The following RIN3 variants were observed in gnomAD, a reference collection of about 807,000 sequenced individuals.
The protein encoded by RIN3 is RAB5 interacting protein 3.
In RIN3, 54 loss-of-function variants were observed where a neutral mutation model predicts 76.3. The ratio of observed to expected loss-of-function variants is 0.71; its 90% confidence interval spans 0.57 to 0.89. The LOEUF (loss-of-function observed/expected upper bound fraction) is 0.89, where lower values mean the gene tolerates loss of function less well. Among genes scored for constraint, RIN3 ranks in the 40% least tolerant of loss-of-function variants. The pLI, the probability that RIN3 is intolerant of heterozygous loss-of-function variation, is 0.00. For synonymous variants in RIN3, 576 were observed against 564.0 expected, an observed-to-expected ratio of 1.02 and a Z score of -0.30; for missense variants, 1,256 against 1,322.1, an observed-to-expected ratio of 0.95 and a Z score of 0.78.
chr14:92,673,324 C>A (rs1888350643), intron 7 of RIN3, among the ~76,000 whole-genome samples: 1 of 152,094 alleles, frequency 6.6e-6, no homozygotes, highest in Admixed American at 6.6e-5. Context: ...CTATTATGAC[C>A]AATACTGCCA....
intron 4 of RIN3, among the ~76,000 whole-genome samples, chr14:92,621,828 A>G (rs565831457): frequency 1.3e-5 from 2 of 152,362 alleles, no homozygotes; most frequent in South Asian, 2.1e-4. Context: ...AGACGTGTAT[A>G]CACACACATA....
At chr14:92,608,506 A>ATTT (rs753266387) in intron 3 of RIN3, among the ~76,000 whole-genome samples, 17 of 152,142 alleles carry the variant, frequency 1.1e-4, no homozygotes, top group Non-Finnish European at 2.2e-4. Flanking sequence ...GCATTGCTGA[A>ATTT]TGATAAAACT....
intron 7 of RIN3, among the ~76,000 whole-genome samples, chr14:92,670,111 C>T (rs1055587728): frequency 6.6e-6 from 1 of 151,480 alleles, no homozygotes; most frequent in Admixed American, 6.6e-5. Context: ...GTTGCCCAGG[C>T]TGGAATTAGG....
chr14:92,604,861 G>T, intron 3 of RIN3, among the ~76,000 whole-genome samples: 1 of 132,860 alleles, frequency 7.5e-6, no homozygotes, highest in African/African-American at 2.9e-5. Context: ...CAGATTCCCT[G>T]TTACCCTTCT....
Position 92,513,940 on chromosome 14 carries a change from G to A in RIN3, c.8G>A (p.Arg3Gln). The part of the protein sequence containing the change: MI[R>Q]HAGAPARGDP... ...CCCGGAGCTGCCGGCGGCATGATCC[G>A]ACACGCCGGGGCGCCCGCGCGCGGG... The change falls in exon 1 of 10, where the codon CGA (arginine) becomes CAA (glutamine). Residue 3 changes from arginine to glutamine, a missense_variant. Arg to Gln is a conservative substitution (Grantham distance 43). Around this residue, in one of 3 missense-constraint regions of RIN3, gnomAD observed 610 missense variants for 626.4 expected, o/e 0.97. Transcript: ENST00000216487. 1 of 1,246,866 alleles carries A rather than the reference G, an allele frequency of 8.0e-7. No individual in the cohort carries two copies. The highest frequency in any genetic ancestry group is 3.3e-5 in the South Asian group (1 of 30,600). 77.2% of individuals were successfully genotyped at this position (1,246,866 alleles called of 1,614,324 possible). A position where few individuals can be genotyped will look rare whatever the true frequency, so the allele number is the denominator to read the frequency against.
intron 5 of RIN3, chr14:92,650,900 G>A (rs1373131474): frequency 6.6e-6 from 1 of 152,240 alleles, no homozygotes; most frequent in African/African-American, 2.4e-5. Flanking sequence ...CCCCTGACTG[G>A]GGCAGACGAC....
chr14:92,601,288 G>T (rs1455134893), intron 3 of RIN3, among the ~76,000 whole-genome samples: 1 of 152,090 alleles, frequency 6.6e-6, no homozygotes, highest in Non-Finnish European at 1.5e-5. Context: ...TGGGTCTAGA[G>T]CCTCACCAGC....
intron 3 of RIN3, among the ~76,000 whole-genome samples, chr14:92,591,557 T>G (rs72697281): frequency 0.11 from 17,085 of 151,384 alleles, 1,326 homozygotes; most frequent in East Asian, 0.44. Context: ...CTACAGAAAT[T>G]CAAAGAAAAA....
chr14:92,599,238 C>T (rs925564530), intron 3 of RIN3, among the ~76,000 whole-genome samples: 3 of 139,658 alleles, frequency 2.1e-5, no homozygotes, highest in Admixed American at 7.4e-5. Context: ...AGAAGCCCCC[C>T]GCCCTTGGGG....
chr14:92,646,853 A>C (rs1887220184), intron 5 of RIN3, among the ~76,000 whole-genome samples: 1 of 152,188 alleles, frequency 6.6e-6, no homozygotes, highest in Non-Finnish European at 1.5e-5. Flanking sequence ...TCTTTTCCTT[A>C]ATACACCTAG....
intron 1 of RIN3, among the ~76,000 whole-genome samples, chr14:92,528,580 T>TG: frequency 6.6e-6 from 1 of 152,172 alleles, no homozygotes; most frequent in Non-Finnish European, 1.5e-5. Context: ...TGTGACCCCG[T>TG]GGGGGTGTGG....
intron 2 of RIN3, among the ~76,000 whole-genome samples, chr14:92,559,485 G>A (rs1897701110): frequency 6.6e-6 from 1 of 152,204 alleles, no homozygotes; most frequent in African/African-American, 2.4e-5. Context: ...TTGGATATGA[G>A]CCATGTTTAT....
intron 4 of RIN3, among the ~76,000 whole-genome samples, chr14:92,622,792 A>G (rs1886229739): frequency 6.6e-6 from 1 of 152,248 alleles, no homozygotes; most frequent in African/African-American, 2.4e-5. Context: ...ATGAATGGGT[A>G]TGATTACCTT....
At chr14:92,536,115 TCTTAATCA>T (rs1896994437) in intron 1 of RIN3, among the ~76,000 whole-genome samples, 1 of 152,244 alleles carries the variant, frequency 6.6e-6, no homozygotes, top group Admixed American at 6.5e-5. Context: ...TGTCACACCA[TCTTAATCA>T]CTTCGGCTTT....
chr14:92,687,850 G>C, intron 9 of RIN3, 76 bp from the exon 10 acceptor site: 3 of 1,322,560 alleles, frequency 2.3e-6, no homozygotes, highest in Non-Finnish European at 2.0e-6. Flanking sequence ...TCCATCCAGG[G>C]AGGGGCCTGG....
rs1298408971 is a variant in RIN3, at chr14:92,643,440, A to G, written c.532+2111A>G. 1.3e-5 allele frequency among the ~76,000 whole-genome samples: 2 copies of G among 152,172 alleles called. No individual in the cohort carries two copies. ...AGTTTTCAGTTGCTTTTGGGAATCA[A>G]CTTGCTATTAAACTTTGCTTCCCAG... On this transcript the variant is annotated intron_variant, in intron 5 of 9. Transcript: ENST00000216487. This position sits in a 1 kb window ranked among gnomAD's most constrained non-coding sequence, Gnocchi z 4.8.
At chr14:92,642,600 G>C (rs1460020378) in intron 5 of RIN3, among the ~76,000 whole-genome samples, 1 of 152,158 alleles carries the variant, frequency 6.6e-6, no homozygotes, top group Non-Finnish European at 1.5e-5. Context: ...TTGGTGCCTT[G>C]TTCACCAGTG....
chr14:92,639,358 G>T (rs931553840), intron 4 of RIN3, among the ~76,000 whole-genome samples: 1 of 149,560 alleles, frequency 6.7e-6, no homozygotes, highest in Non-Finnish European at 1.5e-5. Context: ...AGCAAGGGAG[G>T]GTAGAACAGG....
intron 4 of RIN3, among the ~76,000 whole-genome samples, chr14:92,633,462 G>A (rs1036899916): frequency 2.6e-5 from 4 of 152,208 alleles, no homozygotes; most frequent in African/African-American, 4.8e-5. Flanking sequence ...AGGAGGGGAC[G>A]GCTGGCTGGG....
Sources: allele counts gnomAD v4.1 joint callset (sites outside exome capture counted in the v4.1 genomes callset), GRCh38; gene constraint gnomAD v4.1.1; regional missense constraint gnomAD v4.1.1; non-coding constraint Gnocchi (gnomAD v3.1); transcripts MANE v1.5; gene names NCBI Gene and HGNC (gene_info 2026-07-23, HGNC 2026-07-21).